The following CLVS1 variants were observed in gnomAD, a reference collection of about 807,000 sequenced individuals.
CLVS1 encodes clavesin-1.
A neutral mutation model predicts 33.1 loss-of-function variants in CLVS1; 10 were observed. The ratio of observed to expected loss-of-function variants is 0.30; its 90% confidence interval spans 0.19 to 0.51. The LOEUF is 0.51. Among genes scored for constraint, CLVS1 ranks in the 20% least tolerant of loss-of-function variants. The probability of loss-of-function intolerance (pLI) is 0.97; values close to 1 mark genes in which losing one functional copy is unlikely to be tolerated. For missense variants in CLVS1, 343 were observed against 433.4 expected, an observed-to-expected ratio of 0.79 and a Z score of 1.85; for synonymous variants, 163 against 166.1, an observed-to-expected ratio of 0.98 and a Z score of 0.14.
chr8:61,115,339 T>A (rs976232553), intron 1 of CLVS1, among the ~76,000 whole-genome samples: 8 of 151,398 alleles, frequency 5.3e-5, no homozygotes, highest in South Asian at 2.1e-4. Flanking sequence ...ACTCTTATTT[T>A]TTTTATTTTA....
In CLVS1 at chr8:61,481,518, C is replaced by T. The variant is rs568618498; in HGVS notation, c.978-17937C>T. 2.0e-4 allele frequency among the ~76,000 whole-genome samples: 30 copies of T among 152,302 alleles called. No homozygotes were observed. The South Asian group carries it at 3.5e-3, about 18-fold the overall frequency. On this transcript the variant is annotated intron_variant, in intron 5 of 5. Coordinates refer to ENST00000325897, the MANE Select transcript of CLVS1 (RefSeq NM_173519.3). Reference sequence around the variant, plus strand: ...CTACCCTAATACTACGCTTTTCCAACGGCCTTAGCAAATGGCACACCAGGA... The same window carrying T: ...CTACCCTAATACTACGCTTTTCCAATGGCCTTAGCAAATGGCACACCAGGA...
intron 1 of CLVS1, among the ~76,000 whole-genome samples, chr8:61,128,448 T>C (rs1806019642): frequency 6.6e-6 from 1 of 152,244 alleles, no homozygotes; most frequent in Non-Finnish European, 1.5e-5. Context: ...TTTTTCTCCA[T>C]GTGTAGGGTT....
At chr8:61,121,642 C>T (rs188103529) in intron 1 of CLVS1, among the ~76,000 whole-genome samples, 1 of 152,268 alleles carries the variant, frequency 6.6e-6, no homozygotes, top group East Asian at 1.9e-4. Flanking sequence ...TCTGAGTGAA[C>T]AGATATTGTG....
At chr8:61,054,900 T>G (rs964098100), upstream of CLVS1, among the ~76,000 whole-genome samples, 2 of 152,210 alleles carry the variant, frequency 1.3e-5, no homozygotes, top group Non-Finnish European at 2.9e-5. Flanking sequence ...CATAGAGCCT[T>G]GGAATATCTA....
At chr8:61,234,230 C>CT (rs1221833592) in intron 2 of CLVS1, among the ~76,000 whole-genome samples, 1 of 152,130 alleles carries the variant, frequency 6.6e-6, no homozygotes, top group African/African-American at 2.4e-5. Flanking sequence ...TGGACTGGAT[C>CT]TTGTCCTTGG....
chr8:61,156,418 G>C (rs1032454517), intron 2 of CLVS1, among the ~76,000 whole-genome samples: 3 of 151,802 alleles, frequency 2.0e-5, no homozygotes, highest in African/African-American at 4.8e-5. Context: ...TAATAAATTT[G>C]TATACCTTTT....
chr8:61,181,954 G>A (rs1461707465), intron 2 of CLVS1, among the ~76,000 whole-genome samples: 2 of 152,098 alleles, frequency 1.3e-5, no homozygotes, highest in African/African-American at 2.4e-5. Flanking sequence ...ACCCGCCTCA[G>A]CCTCCCAAAG....
the CLVS1 span, among the ~76,000 whole-genome samples, chr8:61,023,660 C>T: frequency 1.5e-3 from 224 of 152,270 alleles, 1 homozygote; most frequent in Non-Finnish European, 2.5e-3. Context: ...GTGGCGGGCC[C>T]GGTGAGTCGC....
At chr8:61,163,645 T>G (rs1401663642) in intron 2 of CLVS1, among the ~76,000 whole-genome samples, 1 of 152,144 alleles carries the variant, frequency 6.6e-6, no homozygotes, top group Non-Finnish European at 1.5e-5. Context: ...AATGGAACCT[T>G]GGGCCATGCA....
intron 2 of CLVS1, among the ~76,000 whole-genome samples, chr8:61,185,393 A>C (rs992843459): frequency 4.0e-5 from 6 of 149,926 alleles, no homozygotes; most frequent in Non-Finnish European, 5.9e-5. Context: ...GCTTCAAGCT[A>C]TCCTCCCGCC....
chr8:61,179,984 AAG>A (rs1225606574), intron 2 of CLVS1, among the ~76,000 whole-genome samples: 2 of 152,202 alleles, frequency 1.3e-5, no homozygotes, highest in African/African-American at 4.8e-5. Flanking sequence ...AGAAATAACT[AAG>A]ATCAAAGCAG....
chr8:61,491,440 ATAAAGT>A (rs1244935320), intron 5 of CLVS1, among the ~76,000 whole-genome samples: 1 of 152,250 alleles, frequency 6.6e-6, no homozygotes, highest in African/African-American at 2.4e-5. Context: ...ATCTGCAGTC[ATAAAGT>A]TAATGTTAAT....
At chr8:61,078,114 G>T (rs1281582706) in intron 1 of CLVS1, among the ~76,000 whole-genome samples, 1 of 152,194 alleles carries the variant, frequency 6.6e-6, no homozygotes, top group African/African-American at 2.4e-5. Flanking sequence ...TCCGAGGCAG[G>T]CCTGTCTGCG....
At chr8:60,986,908 T>C in the CLVS1 span, among the ~76,000 whole-genome samples, 1 of 152,244 alleles carries the variant, frequency 6.6e-6, no homozygotes, top group Non-Finnish European at 1.5e-5. Context: ...ACTTGATATT[T>C]CTTTGAGACT....
At chr8:61,243,084 G>T (rs1274774596) in intron 2 of CLVS1, among the ~76,000 whole-genome samples, 1 of 152,066 alleles carries the variant, frequency 6.6e-6, no homozygotes, top group African/African-American at 2.4e-5. Context: ...TTACTGTTCT[G>T]GGTTCTGTCA....
intron 2 of CLVS1, among the ~76,000 whole-genome samples, chr8:61,309,126 T>C (rs1028696836): frequency 1.3e-5 from 2 of 152,156 alleles, no homozygotes; most frequent in African/African-American, 2.4e-5. Context: ...GCATTAGAAG[T>C]TGGGTCCACC....
intron 1 of CLVS1, among the ~76,000 whole-genome samples, chr8:61,121,207 A>G (rs905192677): frequency 1.3e-5 from 2 of 152,058 alleles, no homozygotes; most frequent in African/African-American, 4.8e-5. Flanking sequence ...TTCCAAAGTG[A>G]GGCAATGCCT....
At chr8:61,136,075 C>A (rs1254601360) in intron 2 of CLVS1, among the ~76,000 whole-genome samples, 2 of 152,244 alleles carry the variant, frequency 1.3e-5, no homozygotes, top group Non-Finnish European at 2.9e-5. Flanking sequence ...ATGAGAAACT[C>A]TGGTGACTGT....
chr8:61,428,997 G>A (rs943313238), intron 3 of CLVS1, among the ~76,000 whole-genome samples: 1 of 152,184 alleles, frequency 6.6e-6, no homozygotes, highest in African/African-American at 2.4e-5. Context: ...CAGAATACCT[G>A]AGACTGGGTA....
Sources: allele counts gnomAD v4.1 joint callset (sites outside exome capture counted in the v4.1 genomes callset), GRCh38; gene constraint gnomAD v4.1.1; transcripts MANE v1.5; gene names NCBI Gene and HGNC (gene_info 2026-07-23, HGNC 2026-07-21).